SAMD4B: variants seen among roughly 807,000 people sequenced by gnomAD.
The protein encoded by SAMD4B is sterile alpha motif domain containing 4B.
A neutral mutation model predicts 74.5 loss-of-function variants in SAMD4B; 5 were observed. The observed-to-expected ratio is 0.07, with a 90% CI of 0.04 to 0.14. The LOEUF is 0.14. SAMD4B is among the 10% of genes least tolerant of loss of function. The probability of loss-of-function intolerance (pLI) is 1.00; values close to 1 mark genes in which losing one functional copy is unlikely to be tolerated. For missense variants in SAMD4B, 608 were observed against 921.8 expected, an observed-to-expected ratio of 0.66 and a Z score of 4.41; for synonymous variants, 373 against 374.9, an observed-to-expected ratio of 1.00 and a Z score of 0.06.
intron 2 of SAMD4B, among the ~76,000 whole-genome samples, chr19:39,354,646 G>A (rs1286830536): frequency 6.6e-6 from 1 of 152,166 alleles, no homozygotes; most frequent in Non-Finnish European, 1.5e-5. Flanking sequence ...ATATAGGAAT[G>A]AAATAGTGTT....
In SAMD4B at chr19:39,369,788, C is replaced by A; in HGVS notation, c.330C>A (p.Ala110=). ...TGAGGCTACTGCAGAAAGTGCTGGC[C>A]TACTCAATCGAGAGCAATGCTTTCA... ...EYMRLLQKVL[A]YSIESNAFIE... Residue 110 remains alanine (A), a synonymous_variant, in exon 4 of 14, where the codon GCC becomes GCA. Coordinates refer to ENST00000610417, the MANE Select transcript of SAMD4B (RefSeq NM_001384574.2). 1 of 1,614,230 alleles carries A rather than the reference C, an allele frequency of 6.2e-7. No individual in the cohort carries two copies.
At chr19:39,389,416 A>C (rs1445260713), downstream of SAMD4B, 4 of 1,611,640 alleles carry the variant, frequency 2.5e-6, no homozygotes, top group East Asian at 8.9e-5. This position sits in a 1 kb window ranked among gnomAD's most constrained non-coding sequence, Gnocchi z 5.3. Context: ...TCAGGACCCC[A>C]CTGCCCTCCT....
chr19:39,355,017 C>T (rs1034853467), intron 2 of SAMD4B, among the ~76,000 whole-genome samples: 11 of 152,060 alleles, frequency 7.2e-5, no homozygotes, highest in African/African-American at 2.7e-4. Flanking sequence ...GGATTACAGG[C>T]GTGCAGTAGC....
At chr19:39,385,958 T>C, downstream of SAMD4B, 1 of 1,611,300 alleles carries the variant, frequency 6.2e-7, no homozygotes, top group Non-Finnish European at 8.5e-7. Flanking sequence ...CTCACAATAA[T>C]GGTGTCTGAA....
intron 9 of SAMD4B, 112 bp from the exon 10 acceptor site, chr19:39,379,854 G>A: frequency 1.1e-6 from 1 of 894,340 alleles, no homozygotes; most frequent in Non-Finnish European, 1.7e-6. Flanking sequence ...TACAGCTTGA[G>A]CCACCACGCC....
intron 5 of SAMD4B, among the ~76,000 whole-genome samples, 192 bp downstream of exon 5, chr19:39,376,081 G>A (rs74358551): frequency 0.027 from 4,094 of 152,246 alleles, 132 homozygotes; most frequent in African/African-American, 0.072. Flanking sequence ...ACAAGTTCTA[G>A]TCTGACTGGG....
chr19:39,368,798 G>A (rs531109687), intron 3 of SAMD4B, among the ~76,000 whole-genome samples: 1 of 152,284 alleles, frequency 6.6e-6, no homozygotes, highest in African/African-American at 2.4e-5. Context: ...CTGTGAATTG[G>A]GTACTGTAAT....
intron 4 of SAMD4B, among the ~76,000 whole-genome samples, chr19:39,370,608 C>T (rs558518254): frequency 2.6e-5 from 4 of 152,286 alleles, no homozygotes; most frequent in South Asian, 2.1e-4. Context: ...CAGGCTATGA[C>T]GCTTGATGGA....
In SAMD4B at chr19:39,360,304, A is replaced by G. The variant is rs2076577199; in HGVS notation, c.196+3215A>G. Among the ~76,000 whole-genome samples, 3 of 152,186 alleles carry G rather than the reference A, an allele frequency of 2.0e-5. No individual in the cohort carries two copies. In the South Asian group the frequency reaches 6.2e-4, roughly 32 times the overall value. ...CCGTTCCCAGATGGTTTGCAGTGGG[A>G]TATTGGTGGTAATGCCTAGCCAGGG... On this transcript the variant is annotated intron_variant, in intron 3 of 13. Coordinates refer to ENST00000610417, the MANE Select transcript of SAMD4B (RefSeq NM_001384574.2).
chr19:39,348,662 G>T (rs1319432704), intron 1 of SAMD4B, among the ~76,000 whole-genome samples: 1 of 152,194 alleles, frequency 6.6e-6, no homozygotes, highest in Non-Finnish European at 1.5e-5. Context: ...TTAAAAGCAA[G>T]ACAGCGACAT....
chr19:39,386,947 G>A (rs2078265035), downstream of SAMD4B: 1 of 644,594 alleles, frequency 1.6e-6, no homozygotes, highest in Admixed American at 2.3e-5. This position sits in a 1 kb window ranked among gnomAD's most constrained non-coding sequence, Gnocchi z 6.1. Context: ...TTGAATAAGG[G>A]CAGCTAAGCT....
downstream of SAMD4B, chr19:39,389,048 C>A: frequency 1.2e-6 from 2 of 1,613,096 alleles, no homozygotes; most frequent in Non-Finnish European, 1.7e-6. The surrounding 1 kb of genome is among the most constrained non-coding windows in gnomAD (Gnocchi z 5.3). Flanking sequence ...AGGAGGAGCT[C>A]TGCAGCCGCA....
chr19:39,381,272 T>A, intron 12 of SAMD4B, 159 bp downstream of exon 12: 1 of 832,082 alleles, frequency 1.2e-6, no homozygotes, highest in Non-Finnish European at 1.8e-6. Flanking sequence ...TGTGGGGGGT[T>A]GTTTTCCTCC....
intron 1 of SAMD4B, among the ~76,000 whole-genome samples, chr19:39,343,462 T>A (rs2075459802): frequency 6.8e-6 from 1 of 147,670 alleles, no homozygotes; most frequent in East Asian, 2.0e-4. Context: ...CCTAGAAGAC[T>A]CCATCCCCCT....
downstream of SAMD4B, chr19:39,386,043 C>T: frequency 6.2e-7 from 1 of 1,613,972 alleles, no homozygotes; most frequent in Non-Finnish European, 8.5e-7. The surrounding 1 kb of genome is among the most constrained non-coding windows in gnomAD (Gnocchi z 6.1). Flanking sequence ...AGCTTCACTG[C>T]CATCCTCCTG....
At chr19:39,350,503 TG>T (rs1334744131) in intron 1 of SAMD4B, 1 of 152,316 alleles carries the variant, frequency 6.6e-6, no homozygotes, top group African/African-American at 2.4e-5. Flanking sequence ...TTTTTGTTTT[TG>T]TTTTGAGACA....
At chr19:39,386,140 C>A (rs143150759), downstream of SAMD4B, 4 of 1,614,088 alleles carry the variant, frequency 2.5e-6, no homozygotes, top group African/African-American at 5.3e-5. The surrounding 1 kb of genome is among the most constrained non-coding windows in gnomAD (Gnocchi z 6.1). Flanking sequence ...CTGCCGCTGT[C>A]TGAATCATTG....
chr19:39,378,633 G>C lies in SAMD4B; in HGVS notation c.1530+44G>C, dbSNP rs759309809. 3.7e-5 allele frequency: 59 copies of C among 1,576,888 alleles called. No homozygotes were observed. The highest frequency in any genetic ancestry group is 5.1e-5 in the Non-Finnish European group (58 of 1,147,822). ...TACTCAAAAAGGGAAAGGCGGCCAG[G>C]CGTGGTGGTTCACGCCTGTAGTCCC... On this transcript the variant is annotated intron_variant, in intron 9 of 13. Transcript: ENST00000610417. The surrounding 1 kb of genome is among the most constrained non-coding windows in gnomAD (Gnocchi z 4.4).
intron 3 of SAMD4B, among the ~76,000 whole-genome samples, chr19:39,367,842 G>A (rs1015439341): frequency 1.3e-5 from 2 of 151,620 alleles, no homozygotes; most frequent in Admixed American, 6.6e-5. Flanking sequence ...AGTCAGACTT[G>A]TAACAGTTCC....
Sources: allele counts gnomAD v4.1 joint callset (sites outside exome capture counted in the v4.1 genomes callset), GRCh38; gene constraint gnomAD v4.1.1; non-coding constraint Gnocchi (gnomAD v3.1); transcripts MANE v1.5; gene names NCBI Gene and HGNC (gene_info 2026-07-23, HGNC 2026-07-21).